Variants in CHFR observed in about 807,000 individuals in gnomAD.
CHFR encodes the protein checkpoint with forkhead and ring finger domains, also known as E3 ubiquitin-protein ligase CHFR.
A neutral mutation model predicts 87.6 loss-of-function variants in CHFR; 57 were observed. The observed-to-expected ratio is 0.65, with a 90% confidence interval of 0.53 to 0.81. The LOEUF (loss-of-function observed/expected upper bound fraction) is 0.81, where lower values mean the gene tolerates loss of function less well. Among genes scored for constraint, CHFR ranks in the 30% least tolerant of loss-of-function variants. The pLI, the probability that CHFR is intolerant of heterozygous loss-of-function variation, is 0.00. For synonymous variants in CHFR, 381 were observed against 359.2 expected, an observed-to-expected ratio of 1.06 and a Z score of -0.69; for missense variants, 797 against 865.8, an observed-to-expected ratio of 0.92 and a Z score of 1.00.
chr12:132,864,453 CT>C (rs1217868380), intron 6 of CHFR, among the ~76,000 whole-genome samples: 2 of 152,006 alleles, frequency 1.3e-5, no homozygotes, highest in Non-Finnish European at 2.9e-5. Flanking sequence ...TATGCATACA[CT>C]TAGGCATACA....
chr12:132,856,369 C>T, intron 10 of CHFR, 99 bp downstream of exon 10: 2 of 1,329,420 alleles, frequency 1.5e-6, no homozygotes, highest in South Asian at 2.5e-5. Context: ...AGAACTAGAT[C>T]TCAGGACCCA....
At chr12:132,885,807 G>T (rs1272995310) in intron 2 of CHFR, among the ~76,000 whole-genome samples, 1 of 152,178 alleles carries the variant, frequency 6.6e-6, no homozygotes, top group Non-Finnish European at 1.5e-5. Context: ...TGTGTTGACA[G>T]ATTGGAAACC....
At chr12:132,848,198 C>A in intron 13 of CHFR, 43 bp from the exon 14 acceptor site, 1 of 1,613,782 alleles carries the variant, frequency 6.2e-7, no homozygotes, top group Non-Finnish European at 8.5e-7. Context: ...ATAATGATGT[C>A]GCAGGAAAGC....
chr12:132,861,054 G>C (rs936219763), intron 7 of CHFR, among the ~76,000 whole-genome samples: 9 of 151,976 alleles, frequency 5.9e-5, no homozygotes, highest in Admixed American at 2.0e-4. Context: ...TGTCAGGCTT[G>C]ATTTTTATTT....
intron 13 of CHFR, 41 bp from the exon 14 acceptor site, chr12:132,848,196 G>A: frequency 6.2e-7 from 1 of 1,613,900 alleles, no homozygotes; most frequent in South Asian, 1.1e-5. Context: ...TTATAATGAT[G>A]TCGCAGGAAA....
chr12:132,870,925 A>C, intron 4 of CHFR, 142 bp from the exon 5 acceptor site: 3 of 516,888 alleles, frequency 5.8e-6, no homozygotes, highest in South Asian at 3.1e-5. Context: ...AGTTTAAGAG[A>C]TTTCAAAACA....
At chr12:132,863,486 T>C in intron 6 of CHFR, among the ~76,000 whole-genome samples, 1 of 151,840 alleles carries the variant, frequency 6.6e-6, no homozygotes, top group Non-Finnish European at 1.5e-5. Context: ...GCCTGGGCAG[T>C]AAGATCAAAA....
At chr12:132,861,743 T>C (rs1951214806) in intron 6 of CHFR, 109 bp from the exon 7 acceptor site, 1 of 1,021,190 alleles carries the variant, frequency 9.8e-7, no homozygotes. Flanking sequence ...GCCTGAGATG[T>C]CGTAGTTTAG....
intron 6 of CHFR, among the ~76,000 whole-genome samples, chr12:132,868,529 A>T (rs577188916): frequency 6.6e-6 from 1 of 151,548 alleles, no homozygotes; most frequent in Admixed American, 6.6e-5. Context: ...AACAAAAAAA[A>T]ATTAGCTGGG....
In CHFR at chr12:132,843,015, C is replaced by T. The variant is rs371841032; in HGVS notation, c.1912G>A (p.Ala638Thr). The T allele has an allele frequency of 1.2e-6, 2 of 1,611,574 alleles. No homozygotes were observed. Among genetic ancestry groups the T allele is most frequent in the South Asian group, 1.1e-5 (1 of 90,238 alleles). The change falls in exon 17 of 18, where the codon GCC becomes ACC. Residue 638 changes from alanine (A) to threonine (T), a missense_variant. Transcript: ENST00000450056. ...TGTGCCCCCAGCTGCACTCACATGG[C>T]GTGGTGAGCTTTCACCTGAGTGCGG... The part of the protein sequence containing the change: ...NCRTQVKAHH[A>T]MKFNHICEQT...
At chr12:132,843,451 A>T (rs1367082237) in intron 16 of CHFR, among the ~76,000 whole-genome samples, 5 of 152,068 alleles carry the variant, frequency 3.3e-5, no homozygotes, top group Non-Finnish European at 7.3e-5. Flanking sequence ...AATAAAAATT[A>T]AAAAATAAAA....
intron 2 of CHFR, among the ~76,000 whole-genome samples, chr12:132,886,834 T>G (rs1293054992): frequency 6.6e-6 from 1 of 152,232 alleles, no homozygotes; most frequent in Admixed American, 6.5e-5. Context: ...CACCGGTTGC[T>G]TTAAGAGTGT....
At chr12:132,873,016 G>A (rs926981598) in intron 3 of CHFR, among the ~76,000 whole-genome samples, 11 of 152,132 alleles carry the variant, frequency 7.2e-5, no homozygotes, top group African/African-American at 2.7e-4. Context: ...TGCCTCCTGG[G>A]GACTTCTGAG....
intron 3 of CHFR, among the ~76,000 whole-genome samples, chr12:132,875,876 C>T (rs1193882439): frequency 1.3e-5 from 2 of 151,762 alleles, no homozygotes; most frequent in African/African-American, 4.8e-5. Context: ...CATAAAACAC[C>T]GTAAGTGAAA....
In CHFR at chr12:132,835,392, A is replaced by G. The variant is rs146620276; in HGVS notation, c.*6162T>C. On this transcript the variant is annotated 3_prime_UTR_variant, in exon 18 of 18. Coordinates refer to ENST00000450056, the MANE Select transcript of CHFR (RefSeq NM_001161346.2). The stretch of plus-strand genomic sequence containing the variant: ...TGTATCTGCAGACATGGAACACGTC[A>G]TGAATTTGGGTGTCATGCCTGCACG... The G allele has an allele frequency of 6.6e-6, 1 of 152,612 alleles. No individual in the cohort carries two copies. Among genetic ancestry groups the G allele is most frequent in the Admixed American group, 6.5e-5 (1 of 15,320 alleles). The allele number at this position is 152,612 out of a possible 1,614,324, so 9.5% of individuals were successfully genotyped here.
Position 132,835,818 on chromosome 12 carries a change from C to T in CHFR, c.*5736G>A. 3.0e-6 allele frequency: 1 copy of T among 331,752 alleles called. No homozygotes were observed. The highest frequency in any genetic ancestry group is 5.8e-6 in the Non-Finnish European group (1 of 172,726). 20.6% of individuals were successfully genotyped at this position (331,752 alleles called of 1,614,324 possible). Reference sequence around the variant, plus strand: ...CATGCTCCCAGCACAGCGCACGGCCCTCACAGTGCCAGGCTCCCAGCACAG... The same window carrying T: ...CATGCTCCCAGCACAGCGCACGGCCTTCACAGTGCCAGGCTCCCAGCACAG... On this transcript the variant is annotated 3_prime_UTR_variant, in exon 18 of 18. Transcript: ENST00000450056.
chr12:132,880,297 T>C (rs1387280594), intron 2 of CHFR, among the ~76,000 whole-genome samples: 3 of 152,160 alleles, frequency 2.0e-5, no homozygotes, highest in African/African-American at 4.8e-5. Flanking sequence ...TTGCATGGAC[T>C]TCGCAGATAG....
chr12:132,879,756 C>T (rs894417233), intron 2 of CHFR, among the ~76,000 whole-genome samples: 4 of 152,058 alleles, frequency 2.6e-5, no homozygotes, highest in Non-Finnish European at 4.4e-5. Context: ...AGAACAAAGG[C>T]GTTTTAATAT....
At chr12:132,873,847 T>C (rs557287128) in intron 3 of CHFR, among the ~76,000 whole-genome samples, 3 of 152,218 alleles carry the variant, frequency 2.0e-5, no homozygotes, top group African/African-American at 7.2e-5. Flanking sequence ...AACAAAAATC[T>C]GATTATTTCA....
Sources: gnomAD v4.1 joint callset for allele counts (sites outside exome capture counted in the v4.1 genomes callset) on GRCh38, gnomAD v4.1.1 for gene constraint, MANE v1.5 for transcripts, NCBI Gene and HGNC (gene_info 2026-07-23, HGNC 2026-07-21) for gene names.